CYTH3: variants seen among roughly 807,000 people sequenced by gnomAD.
CYTH3 encodes the protein cytohesin-3.
A neutral mutation model predicts 55.1 loss-of-function variants in CYTH3; 23 were observed. The observed-to-expected ratio is 0.42, with a 90% confidence interval of 0.30 to 0.59. CYTH3 has a LOEUF of 0.59. CYTH3 is among the 20% of genes least tolerant of loss of function. The pLI is 0.20. For missense variants in CYTH3, 413 were observed against 524.8 expected (o/e 0.79, Z 2.08); for synonymous variants, 249 against 194.9 (o/e 1.28, Z -2.31).
chr7:6,245,853 G>A (rs1055980231), intron 1 of CYTH3, among the ~76,000 whole-genome samples: 3 of 152,198 alleles, frequency 2.0e-5, no homozygotes, highest in Non-Finnish European at 1.5e-5. Context: ...GCAATGAGCC[G>A]AGATCGTGCC....
intron 1 of CYTH3, among the ~76,000 whole-genome samples, chr7:6,220,360 T>C (rs111395996): frequency 8.9e-4 from 136 of 152,144 alleles, no homozygotes; most frequent in African/African-American, 3.0e-3. Flanking sequence ...ACCATAAGTT[T>C]AAATGTAAAA....
intron 1 of CYTH3, among the ~76,000 whole-genome samples, chr7:6,228,339 C>T (rs1779302994): frequency 6.6e-6 from 1 of 152,182 alleles, no homozygotes; most frequent in South Asian, 2.1e-4. Flanking sequence ...TTTCCATGTA[C>T]ATGGGACAGA....
chr7:6,192,208 A>G (rs1175654182), intron 1 of CYTH3, among the ~76,000 whole-genome samples: 2 of 152,172 alleles, frequency 1.3e-5, no homozygotes, highest in Admixed American at 6.5e-5. Flanking sequence ...TGTAACTCCT[A>G]CAAATTATAT....
chr7:6,227,776 A>T (rs1290505605), intron 1 of CYTH3, among the ~76,000 whole-genome samples: 1 of 152,218 alleles, frequency 6.6e-6, no homozygotes, highest in Admixed American at 6.5e-5. Flanking sequence ...GGCCAATACG[A>T]TATCTCATAA....
chr7:6,217,660 T>C (rs1784456625), intron 1 of CYTH3, among the ~76,000 whole-genome samples: 1 of 152,158 alleles, frequency 6.6e-6, no homozygotes, highest in African/African-American at 2.4e-5. Context: ...TCAGCAAGTA[T>C]AGAGAAGAAC....
intron 1 of CYTH3, among the ~76,000 whole-genome samples, chr7:6,255,815 G>A (rs1780088842): frequency 7.6e-6 from 1 of 131,948 alleles, no homozygotes; most frequent in African/African-American, 3.0e-5. Context: ...CCAGGCTGAA[G>A]TGCAGTGGCG....
At chr7:6,246,200 C>T (rs1017597638) in intron 1 of CYTH3, among the ~76,000 whole-genome samples, 11 of 151,810 alleles carry the variant, frequency 7.2e-5, no homozygotes, top group African/African-American at 2.4e-4. Context: ...CCTGCCTCAG[C>T]CTCCTGAGTA....
intron 4 of CYTH3, among the ~76,000 whole-genome samples, chr7:6,186,237 CT>C (rs1263908659): frequency 1.0e-4 from 13 of 124,216 alleles, no homozygotes; most frequent in East Asian, 5.2e-4. Flanking sequence ...GAGCAAGACT[CT>C]ATCTCAAAAA....
intron 6 of CYTH3, chr7:6,172,661 G>C (rs977757111): frequency 2.0e-6 from 2 of 1,015,604 alleles, no homozygotes; most frequent in African/African-American, 3.5e-5. Context: ...GCTCTCGCCA[G>C]AGACTGATGG....
chr7:6,175,597 G>A (rs1171780811), intron 5 of CYTH3, among the ~76,000 whole-genome samples: 1 of 142,562 alleles, frequency 7.0e-6, no homozygotes, highest in Admixed American at 7.2e-5. Flanking sequence ...ACCCAGGCTG[G>A]AGTCCAATAA....
intron 2 of CYTH3, among the ~76,000 whole-genome samples, chr7:6,188,106 C>T (rs952561351): frequency 3.4e-4 from 51 of 152,032 alleles, no homozygotes; most frequent in African/African-American, 1.1e-3. Context: ...GCAGAGGGAT[C>T]GCTTGAGATC....
intron 1 of CYTH3, among the ~76,000 whole-genome samples, chr7:6,239,878 C>T (rs1405173518): frequency 6.6e-6 from 1 of 152,072 alleles, no homozygotes; most frequent in Non-Finnish European, 1.5e-5. Context: ...ACAAATAAGG[C>T]ATATCATGTT....
chr7:6,258,347 C>T (rs985934881), intron 1 of CYTH3, among the ~76,000 whole-genome samples: 2 of 151,902 alleles, frequency 1.3e-5, no homozygotes, highest in Non-Finnish European at 2.9e-5. Context: ...AACGCAACTC[C>T]TCATATATTT....
chr7:6,224,679 A>G (rs1354791783), intron 1 of CYTH3, among the ~76,000 whole-genome samples: 1 of 152,238 alleles, frequency 6.6e-6, no homozygotes, highest in Non-Finnish European at 1.5e-5. Context: ...AAAATTAAAC[A>G]TAGAACCACT....
Position 6,248,218 on chromosome 7 carries a change from G to C in CYTH3, c.34+24256C>G, listed in dbSNP as rs1583195074. On this transcript the variant is annotated intron_variant, in intron 1 of 12. Coordinates refer to ENST00000350796, the MANE Select transcript of CYTH3 (RefSeq NM_004227.4). ...CTTTATTTCTGAACAATAGTATTTAGACCCATCCTCCCCCAACCCCCCCCC... is the reference window on the plus strand; with the variant it reads ...CTTTATTTCTGAACAATAGTATTTACACCCATCCTCCCCCAACCCCCCCCC... 2.1e-5 allele frequency among the ~76,000 whole-genome samples: 3 copies of C among 140,500 alleles called. No homozygotes were observed. The South Asian group carries it at 6.8e-4, about 32-fold the overall frequency. The allele number at this position is 140,500 out of a possible 152,430, so 92.2% of individuals were successfully genotyped here. A position where few individuals can be genotyped will look rare whatever the true frequency, so the allele number is the denominator to read the frequency against.
chr7:6,164,908 G>A lies in CYTH3; in HGVS notation c.*36C>T, dbSNP rs1782943161. 4 of 1,613,148 alleles carry A rather than the reference G, an allele frequency of 2.5e-6. No homozygotes were observed. The Admixed American group carries it at 6.7e-5, about 27-fold the overall frequency. ...CCGCCCGCGGTGTCTTTCTGCTGGGGTTGGGTCTTTTACCTGGGTCTTTTA... is the reference window on the plus strand; with the variant it reads ...CCGCCCGCGGTGTCTTTCTGCTGGGATTGGGTCTTTTACCTGGGTCTTTTA... On this transcript the variant is annotated 3_prime_UTR_variant, in exon 13 of 13. Coordinates refer to ENST00000350796, the MANE Select transcript of CYTH3 (RefSeq NM_004227.4).
chr7:6,179,721 CCA>C (rs1328242628), intron 4 of CYTH3, among the ~76,000 whole-genome samples: 92 of 114,158 alleles, frequency 8.1e-4, no homozygotes, highest in South Asian at 1.8e-3. Flanking sequence ...ACCCCACACA[CCA>C]CACACACACA....
intron 1 of CYTH3, among the ~76,000 whole-genome samples, chr7:6,246,107 G>A (rs1266017003): frequency 6.6e-6 from 1 of 151,648 alleles, no homozygotes; most frequent in Admixed American, 6.6e-5. Flanking sequence ...TTTTGAGACA[G>A]TCTTGCTCTG....
chr7:6,207,681 G>C (rs1008908473), intron 1 of CYTH3, among the ~76,000 whole-genome samples: 1 of 151,428 alleles, frequency 6.6e-6, no homozygotes, highest in Admixed American at 6.6e-5. Context: ...TGGGCGCAGT[G>C]ACTCATACCT....
Sources: gnomAD v4.1 joint callset for allele counts (sites outside exome capture counted in the v4.1 genomes callset) on GRCh38, gnomAD v4.1.1 for gene constraint, MANE v1.5 for transcripts, NCBI Gene and HGNC (gene_info 2026-07-23, HGNC 2026-07-21) for gene names.